The following TMEM38B variants were observed in gnomAD, a reference collection of about 807,000 sequenced individuals.
The protein encoded by TMEM38B is trimeric intracellular cation channel type B.
In TMEM38B, 24 loss-of-function variants were observed where a neutral mutation model predicts 28.7. The observed-to-expected ratio is 0.84, with a 90% CI of 0.61 to 1.18. The LOEUF is 1.18. Among genes scored for constraint, TMEM38B ranks in the 50% most tolerant of loss-of-function variants. The pLI is 0.00. For missense variants in TMEM38B, 380 were observed against 350.9 expected (o/e 1.08, Z -0.66); for synonymous variants, 131 against 127.7 (o/e 1.03, Z -0.17).
chr9:105,762,521 C>G (rs1340000190), intron 5 of TMEM38B, among the ~76,000 whole-genome samples: 1 of 148,618 alleles, frequency 6.7e-6, no homozygotes, highest in African/African-American at 2.5e-5. Flanking sequence ...GGTTTTTTGT[C>G]CTTGCGATAG....
intron 5 of TMEM38B, among the ~76,000 whole-genome samples, chr9:105,750,994 T>A (rs1330863787): frequency 6.6e-6 from 1 of 152,222 alleles, no homozygotes; most frequent in African/African-American, 2.4e-5. Context: ...TCCATCCATA[T>A]GTGTGCCTGT....
At chr9:105,761,859 C>G (rs192309679) in intron 5 of TMEM38B, among the ~76,000 whole-genome samples, 1 of 152,098 alleles carries the variant, frequency 6.6e-6, no homozygotes, top group East Asian at 1.9e-4. Flanking sequence ...GTCCTAAATG[C>G]TTTTTATAAA....
rs1320583984 is a variant in TMEM38B at position 105,705,598 on chromosome 9, A to G, written c.114A>G (p.Gly38=). Residue 38 remains glycine (G), a splice_region_variant and synonymous_variant, in exon 2 of 6, where the codon GGA becomes GGG. Coordinates refer to ENST00000374692, the MANE Select transcript of TMEM38B (RefSeq NM_018112.3). ...CCATATTTTACTTTACCATTTCAGG[A>G]GCAGCTGCATTGGCATGGAAGAATC... ...VSVMAVKRQP[G]AAALAWKNPI... 1 of 1,611,950 alleles carries G rather than the reference A, an allele frequency of 6.2e-7. No homozygotes were observed. The highest frequency in any genetic ancestry group is 2.2e-5 in the East Asian group (1 of 44,834).
chr9:105,708,561 C>G lies in TMEM38B; in HGVS notation c.269+2808C>G, dbSNP rs537242513. 2.4e-3 allele frequency among the ~76,000 whole-genome samples: 362 copies of G among 152,280 alleles called. 2 individuals are homozygous for G. The highest frequency in any genetic ancestry group is 8.3e-3 in the African/African-American group (343 of 41,558). On this transcript the variant is annotated intron_variant, in intron 2 of 5. Coordinates refer to ENST00000374692, the MANE Select transcript of TMEM38B (RefSeq NM_018112.3). ...ATGGCCTGTAAAACCCTGCAAAATACTCGCTTTCACTTTCTTTTATGTAAC... is the reference window on the plus strand; with the variant it reads ...ATGGCCTGTAAAACCCTGCAAAATAGTCGCTTTCACTTTCTTTTATGTAAC...
chr9:105,738,646 A>T (rs1407795013), intron 4 of TMEM38B, among the ~76,000 whole-genome samples: 1 of 147,784 alleles, frequency 6.8e-6, no homozygotes, highest in Non-Finnish European at 1.5e-5. Flanking sequence ...GGTCATGAAG[A>T]TTTTCCCGTG....
chr9:105,722,494 A>C (rs1465665054), intron 3 of TMEM38B, 40 bp from the exon 4 acceptor site: 1 of 1,522,216 alleles, frequency 6.6e-7, no homozygotes, highest in Non-Finnish European at 9.1e-7. Flanking sequence ...TTTACAGGAA[A>C]ATTTGGCCAA....
At chr9:105,748,538 T>C (rs1328787482) in intron 5 of TMEM38B, among the ~76,000 whole-genome samples, 2 of 152,200 alleles carry the variant, frequency 1.3e-5, no homozygotes, top group Non-Finnish European at 2.9e-5. Context: ...CTGAATTTCC[T>C]TTAAGCTCTA....
In TMEM38B at chr9:105,759,551, C is replaced by T. The variant is rs1837959525; in HGVS notation, c.660+11361C>T. On this transcript the variant is annotated intron_variant, in intron 5 of 5. Transcript: ENST00000374692. ...GGGTTAAGTGGTATGCATGATCTGT[C>T]CTCTAATAGCAAACCAAGTTGCTGT... 3.9e-6 allele frequency: 6 copies of T among 1,555,792 alleles called. No individual in the cohort carries two copies. In the East Asian group the frequency reaches 6.7e-5, roughly 17 times the overall value.
intron 4 of TMEM38B, among the ~76,000 whole-genome samples, chr9:105,747,412 C>T (rs1392959120): frequency 1.1e-4 from 17 of 151,950 alleles, no homozygotes; most frequent in African/African-American, 2.4e-4. Flanking sequence ...TCTGTGGGAT[C>T]GGTGGTGATA....
At chr9:105,751,141 A>C (rs112627732) in intron 5 of TMEM38B, among the ~76,000 whole-genome samples, 206 of 152,290 alleles carry the variant, frequency 1.4e-3, no homozygotes, top group African/African-American at 4.7e-3. Context: ...AGAGAAGTGA[A>C]AAGGGGCAAG....
chr9:105,704,998 G>A (rs1313873146), intron 1 of TMEM38B, among the ~76,000 whole-genome samples: 1 of 151,926 alleles, frequency 6.6e-6, no homozygotes. Flanking sequence ...GTCACTTGAT[G>A]TTATTTACAG....
intron 4 of TMEM38B, among the ~76,000 whole-genome samples, chr9:105,728,788 G>T (rs1836620370): frequency 6.6e-6 from 1 of 152,120 alleles, no homozygotes; most frequent in Non-Finnish European, 1.5e-5. Flanking sequence ...GCGTGAGATG[G>T]TATCTCATTG....
At chr9:105,762,478 G>C (rs903059022) in intron 5 of TMEM38B, among the ~76,000 whole-genome samples, 2 of 144,182 alleles carry the variant, frequency 1.4e-5, no homozygotes, top group African/African-American at 2.6e-5. Context: ...TCATTGTTCA[G>C]TTCCCACCTA....
intron 5 of TMEM38B, among the ~76,000 whole-genome samples, chr9:105,764,032 C>CG (rs1480151672): frequency 6.7e-6 from 1 of 149,820 alleles, no homozygotes; most frequent in Non-Finnish European, 1.5e-5. Context: ...AATTCAACAA[C>CG]CCTTCATGCT....
chr9:105,763,555 A>AC lies in TMEM38B; in HGVS notation c.661-10309dup, dbSNP rs749903145. Reference sequence around the variant, plus strand: ...AGGAAGAAGTTGAATCTCTGAATAGACAATAACAGGAGCTGAAATTGTGGC... The same window carrying AC: ...AGGAAGAAGTTGAATCTCTGAATAGACCAATAACAGGAGCTGAAATTGTGGC... On this transcript the variant is annotated intron_variant, in intron 5 of 5. Coordinates refer to ENST00000374692, the MANE Select transcript of TMEM38B (RefSeq NM_018112.3). 6.1e-3 allele frequency among the ~76,000 whole-genome samples: 922 copies of AC among 152,250 alleles called. 5 individuals are homozygous for AC. Among genetic ancestry groups the AC allele is most frequent in the Non-Finnish European group, 0.011 (751 of 68,006 alleles).
chr9:105,741,713 A>T (rs543866310), intron 4 of TMEM38B, among the ~76,000 whole-genome samples: 1 of 152,310 alleles, frequency 6.6e-6, no homozygotes, highest in East Asian at 1.9e-4. Context: ...TTTCTTCCTG[A>T]TGCTTATAAT....
At chr9:105,728,138 A>G (rs990216712) in intron 4 of TMEM38B, among the ~76,000 whole-genome samples, 2 of 152,136 alleles carry the variant, frequency 1.3e-5, no homozygotes, top group Admixed American at 6.6e-5. Flanking sequence ...ACATGTGTAC[A>G]ACGTGCAGGT....
intron 4 of TMEM38B, among the ~76,000 whole-genome samples, chr9:105,741,484 T>C (rs1476481509): frequency 2.0e-5 from 3 of 152,206 alleles, no homozygotes; most frequent in Non-Finnish European, 4.4e-5. Flanking sequence ...AAGCAAAATG[T>C]ACATGTAGGA....
At chr9:105,746,339 A>G (rs1254504464) in intron 4 of TMEM38B, among the ~76,000 whole-genome samples, 3 of 152,166 alleles carry the variant, frequency 2.0e-5, no homozygotes, top group Non-Finnish European at 4.4e-5. Context: ...CTTTGAAGCA[A>G]TTGTGAATGG....
Sources: gnomAD v4.1 joint callset for allele counts (sites outside exome capture counted in the v4.1 genomes callset) on GRCh38, gnomAD v4.1.1 for gene constraint, MANE v1.5 for transcripts, NCBI Gene and HGNC (gene_info 2026-07-23, HGNC 2026-07-21) for gene names.